RREB1: variants seen among roughly 807,000 people sequenced by gnomAD.
RREB1 encodes the protein ras-responsive element-binding protein 1.
In RREB1, 27 loss-of-function variants were observed where a neutral mutation model predicts 117.8. That is an observed-to-expected ratio of 0.23 (90% CI 0.17 to 0.32). The LOEUF (loss-of-function observed/expected upper bound fraction) is 0.32, where lower values mean the gene tolerates loss of function less well. Among genes scored for constraint, RREB1 ranks in the 10% least tolerant of loss-of-function variants. The probability of loss-of-function intolerance (pLI) is 1.00; values close to 1 mark genes in which losing one functional copy is unlikely to be tolerated. For synonymous variants in RREB1, 1,298 were observed against 1,026.7 expected (o/e 1.26, Z -5.05); for missense variants, 2,577 against 2,378.2 (o/e 1.08, Z -1.74).
In RREB1 at chr6:7,210,940, G is replaced by C; in HGVS notation, c.562G>C (p.Ala188Pro). The C allele has an allele frequency of 6.2e-7, 1 of 1,613,312 alleles. No individual in the cohort carries two copies. The highest frequency in any genetic ancestry group is 8.5e-7 in the Non-Finnish European group (1 of 1,179,714). The change falls in exon 7 of 13, where the codon GCT becomes CCT. Residue 188 changes from alanine (A) to proline (P), a missense_variant. By Grantham distance (27) the Ala-to-Pro change is conservative. Transcript: ENST00000379938. ...AESEREDPAP[A>P]KKMVEDGQSG... ...GTCAGAGAGAGAAGACCCAGCACCA[G>C]CTAAAAAGGTCCTCTTGGCTCCCAG...
intron 1 of RREB1, among the ~76,000 whole-genome samples, chr6:7,136,468 G>T (rs746133837): frequency 6.6e-6 from 1 of 152,044 alleles, no homozygotes; most frequent in Non-Finnish European, 1.5e-5. Flanking sequence ...TAGAGATAAG[G>T]TCTTGCTATG....
At chr6:7,202,212 G>T (rs370826170) in intron 6 of RREB1, among the ~76,000 whole-genome samples, 1 of 152,112 alleles carries the variant, frequency 6.6e-6, no homozygotes, top group Non-Finnish European at 1.5e-5. Context: ...CCTTGTGGGC[G>T]CATGGCCGAC....
At chr6:7,115,469 A>G (rs1404558389) in intron 1 of RREB1, among the ~76,000 whole-genome samples, 1 of 151,718 alleles carries the variant, frequency 6.6e-6, no homozygotes, top group African/African-American at 2.4e-5. Flanking sequence ...TGGTAGGCAG[A>G]GTCACCCCTA....
At chr6:7,204,506 C>T (rs1766163199) in intron 6 of RREB1, among the ~76,000 whole-genome samples, 1 of 152,146 alleles carries the variant, frequency 6.6e-6, no homozygotes, top group Non-Finnish European at 1.5e-5. Flanking sequence ...CTTATTCGTT[C>T]CCTCTTTGTT....
chr6:7,133,003 C>A (rs1328514197), intron 1 of RREB1, among the ~76,000 whole-genome samples: 2 of 152,170 alleles, frequency 1.3e-5, no homozygotes, highest in Non-Finnish European at 2.9e-5. Flanking sequence ...TACAAGTAGT[C>A]AAATTGGTGA....
At chr6:7,129,016 C>T (rs1017128400) in intron 1 of RREB1, among the ~76,000 whole-genome samples, 1 of 152,190 alleles carries the variant, frequency 6.6e-6, no homozygotes, top group Non-Finnish European at 1.5e-5. Flanking sequence ...TGAATACCTC[C>T]AGCTTCATCT....
At chr6:7,194,238 T>C (rs1765557917) in intron 6 of RREB1, among the ~76,000 whole-genome samples, 1 of 152,186 alleles carries the variant, frequency 6.6e-6, no homozygotes, top group South Asian at 2.1e-4. Flanking sequence ...TTTGGAGTTG[T>C]TTATAAATAT....
At position 7,231,810 on chromosome 6, in the gene RREB1, C is replaced by G. The variant is rs1768002205; in HGVS notation, c.3711C>G (p.Asn1237Lys). The G allele has an allele frequency of 1.9e-6, 3 of 1,613,596 alleles. No homozygotes were observed. The highest frequency in any genetic ancestry group is 1.6e-4 in the Middle Eastern group (1 of 6,082). Reference protein sequence around the residue: ...PEDKLLRAKRNSYTNCLQKIT... With the variant: ...PEDKLLRAKRKSYTNCLQKIT... ...ACAAGCTGCTGAGGGCCAAGCGGAA[C>G]TCGTACACCAACTGCCTGCAGAAGA... The change falls in exon 10 of 13, where the codon AAC (asparagine) becomes AAG (lysine). Residue 1237 changes from asparagine (N) to lysine (K), a missense_variant. Physicochemically the swap from Asn to Lys is moderately conservative, Grantham distance 94. Transcript: ENST00000379938.
intron 1 of RREB1, among the ~76,000 whole-genome samples, chr6:7,119,689 C>T (rs1761583835): frequency 6.6e-6 from 1 of 152,122 alleles, no homozygotes; most frequent in African/African-American, 2.4e-5. Flanking sequence ...GAGCAGGCTG[C>T]TAGGAACTCT....
At chr6:7,189,921 TAG>T (rs1765311379) in intron 6 of RREB1, among the ~76,000 whole-genome samples, 1 of 152,130 alleles carries the variant, frequency 6.6e-6, no homozygotes, top group Non-Finnish European at 1.5e-5. Flanking sequence ...CTATGGAAAA[TAG>T]AGTTTATAGG....
intron 10 of RREB1, among the ~76,000 whole-genome samples, chr6:7,235,571 T>A (rs1768265610): frequency 6.6e-6 from 1 of 152,208 alleles, no homozygotes; most frequent in South Asian, 2.1e-4. Flanking sequence ...TTGCAAAGTA[T>A]TGGGATTTTA....
intron 6 of RREB1, among the ~76,000 whole-genome samples, chr6:7,196,412 A>G (rs1005065799): frequency 2.0e-5 from 3 of 151,036 alleles, no homozygotes; most frequent in Non-Finnish European, 4.4e-5. Context: ...TTGTAATGCT[A>G]CTCAGTCTTT....
chr6:7,150,114 T>C (rs1763050293), intron 1 of RREB1, among the ~76,000 whole-genome samples: 1 of 152,144 alleles, frequency 6.6e-6, no homozygotes, highest in South Asian at 2.1e-4. Context: ...GACTCTTTCT[T>C]GGCCTTGTTA....
chr6:7,185,724 C>T (rs74820507), intron 4 of RREB1, among the ~76,000 whole-genome samples: 3,183 of 152,226 alleles, frequency 0.021, 116 homozygotes, highest in African/African-American at 0.072. Flanking sequence ...TTCAGGGTGA[C>T]TTTTATTTTC....
At chr6:7,169,262 A>G (rs980215825) in intron 1 of RREB1, among the ~76,000 whole-genome samples, 2 of 152,218 alleles carry the variant, frequency 1.3e-5, no homozygotes, top group African/African-American at 4.8e-5. Context: ...CCTGTGGGAC[A>G]TCTTTAGCCT....
At chr6:7,149,429 G>A (rs1763015743) in intron 1 of RREB1, among the ~76,000 whole-genome samples, 1 of 152,164 alleles carries the variant, frequency 6.6e-6, no homozygotes, top group Non-Finnish European at 1.5e-5. Flanking sequence ...ATGGTGAATT[G>A]GAAGGAAGGA....
rs113105403 is a variant in RREB1, at chr6:7,119,002, A to G, written c.-285+10942A>G. 5.5e-3 allele frequency among the ~76,000 whole-genome samples: 834 copies of G among 151,972 alleles called. 6 individuals are homozygous for G. Among genetic ancestry groups the G allele is most frequent in the Non-Finnish European group, 9.1e-3 (618 of 67,956 alleles). ...TTACAGATTTTTATTGATTCAATACATATTTGAATATCCACTATGCAAGGC... is the reference window on the plus strand; with the variant it reads ...TTACAGATTTTTATTGATTCAATACGTATTTGAATATCCACTATGCAAGGC... On this transcript the variant is annotated intron_variant, in intron 1 of 12. Transcript: ENST00000379938.
intron 1 of RREB1, among the ~76,000 whole-genome samples, chr6:7,142,879 T>C (rs187956362): frequency 5.9e-5 from 9 of 152,316 alleles, no homozygotes; most frequent in Admixed American, 5.9e-4. Flanking sequence ...GGGGATAACT[T>C]TTCTCTTCTA....
intron 1 of RREB1, among the ~76,000 whole-genome samples, chr6:7,114,517 AC>A (rs1331248800): frequency 1.3e-5 from 2 of 151,032 alleles, no homozygotes; most frequent in African/African-American, 2.4e-5. Flanking sequence ...TAGTGCATAG[AC>A]CCCAAAGATG....
Sources: allele counts gnomAD v4.1 joint callset (sites outside exome capture counted in the v4.1 genomes callset), GRCh38; gene constraint gnomAD v4.1.1; transcripts MANE v1.5; gene names NCBI Gene and HGNC (gene_info 2026-07-23, HGNC 2026-07-21).